The following LRRIQ1 variants were observed in gnomAD, a reference collection of about 807,000 sequenced individuals.
LRRIQ1 encodes the protein leucine-rich repeat- and IQ domain-containing protein 1.
In LRRIQ1, 210 loss-of-function variants were observed where a neutral mutation model predicts 211.9. That is an observed-to-expected ratio of 0.99 (90% CI 0.89 to 1.11). The LOEUF (loss-of-function observed/expected upper bound fraction) is 1.11, where lower values mean the gene tolerates loss of function less well. LRRIQ1 is among the 50% of genes most tolerant of loss of function. LRRIQ1 has a pLI of 0.00. For missense variants in LRRIQ1, 2,136 were observed against 1,939.5 expected (o/e 1.10, Z -1.90); for synonymous variants, 699 against 650.1 (o/e 1.08, Z -1.14).
At chr12:85,074,528 G>A (rs1436178441) in intron 11 of LRRIQ1, among the ~76,000 whole-genome samples, 1 of 151,726 alleles carries the variant, frequency 6.6e-6, no homozygotes, top group Non-Finnish European at 1.5e-5. Flanking sequence ...CAGATAGTAG[G>A]TCTTATTCAT....
At chr12:85,118,684 A>G (rs1887760193) in intron 15 of LRRIQ1, among the ~76,000 whole-genome samples, 1 of 152,066 alleles carries the variant, frequency 6.6e-6, no homozygotes, top group South Asian at 2.1e-4. Flanking sequence ...ACATATACAT[A>G]TGCTAAAATT....
At chr12:85,240,813 A>AAT (rs1895425864) in intron 26 of LRRIQ1, among the ~76,000 whole-genome samples, 1 of 152,082 alleles carries the variant, frequency 6.6e-6, no homozygotes, top group Admixed American at 6.6e-5. Flanking sequence ...GCATCACGTA[A>AAT]TTATAGTAAT....
intron 24 of LRRIQ1, among the ~76,000 whole-genome samples, chr12:85,188,429 AGT>A (rs1174100971): frequency 1.3e-5 from 2 of 152,170 alleles, no homozygotes; most frequent in Non-Finnish European, 2.9e-5. Flanking sequence ...GGCAACTCAG[AGT>A]TGCTGCCAAC....
At chr12:85,105,455 A>G in intron 14 of LRRIQ1, among the ~76,000 whole-genome samples, 1 of 151,956 alleles carries the variant, frequency 6.6e-6, no homozygotes, top group South Asian at 2.1e-4. Context: ...TTTTTTCATA[A>G]TCGAATTACT....
downstream of LRRIQ1, among the ~76,000 whole-genome samples, chr12:85,246,523 G>A (rs533062949): frequency 2.6e-5 from 4 of 151,406 alleles, no homozygotes; most frequent in Non-Finnish European, 5.9e-5. Flanking sequence ...TTACCTGAAT[G>A]TTAGCACATG....
intron 15 of LRRIQ1, among the ~76,000 whole-genome samples, chr12:85,116,556 C>G (rs994868480): frequency 6.6e-6 from 1 of 151,996 alleles, no homozygotes; most frequent in African/African-American, 2.4e-5. Context: ...TTCTTTTTTT[C>G]TGTTACTTTT....
intron 5 of LRRIQ1, among the ~76,000 whole-genome samples, chr12:85,046,970 G>C (rs1879667780): frequency 6.7e-6 from 1 of 149,488 alleles, no homozygotes; most frequent in African/African-American, 2.5e-5. Flanking sequence ...CTTGGACACA[G>C]GAAGGGGAAC....
intron 2 of LRRIQ1, among the ~76,000 whole-genome samples, chr12:85,039,244 G>C (rs890192644): frequency 3.3e-5 from 5 of 151,242 alleles, no homozygotes; most frequent in South Asian, 2.1e-4. Context: ...AAGCCCTTCT[G>C]TTTCAATTAA....
At chr12:85,181,091 C>T (rs1400334362) in intron 24 of LRRIQ1, among the ~76,000 whole-genome samples, 1 of 151,868 alleles carries the variant, frequency 6.6e-6, no homozygotes, top group Non-Finnish European at 1.5e-5. Context: ...ATTAACCTAC[C>T]ACCCCCAGTA....
intron 1 of LRRIQ1, among the ~76,000 whole-genome samples, chr12:85,258,212 A>G (rs1159029422): frequency 6.6e-6 from 1 of 151,864 alleles, no homozygotes. Context: ...TAACACCAGT[A>G]ATAATGCTAG....
intron 11 of LRRIQ1, among the ~76,000 whole-genome samples, chr12:85,080,636 AGTT>A (rs1397631693): frequency 2.7e-5 from 4 of 149,348 alleles, no homozygotes; most frequent in South Asian, 2.1e-4. Flanking sequence ...TGTTGTTTGC[AGTT>A]GTTGTAGTTT....
chr12:85,175,622 G>A (rs989041153), intron 24 of LRRIQ1, among the ~76,000 whole-genome samples: 8 of 151,942 alleles, frequency 5.3e-5, no homozygotes, highest in Middle Eastern at 3.2e-3. Flanking sequence ...TTTCTTCTAG[G>A]GTTTTTATGG....
intron 24 of LRRIQ1, among the ~76,000 whole-genome samples, chr12:85,206,228 G>A (rs916661203): frequency 6.6e-6 from 1 of 152,216 alleles, no homozygotes; most frequent in Non-Finnish European, 1.5e-5. Context: ...GACTACTGGG[G>A]TCCATGTGTG....
chr12:85,069,012 C>T (rs1026031695), intron 10 of LRRIQ1, among the ~76,000 whole-genome samples: 2 of 151,396 alleles, frequency 1.3e-5, no homozygotes, highest in Admixed American at 6.6e-5. Context: ...CATATGTATA[C>T]ATGTGCCATG....
At position 85,098,940 on chromosome 12, in the gene LRRIQ1, C is replaced by T. The variant is rs1438535984; in HGVS notation, c.3155C>T (p.Ala1052Val). Reference protein sequence around the residue: ...LDDNSISTVEAFSSYWLPLLQ... With the variant: ...LDDNSISTVEVFSSYWLPLLQ... ...GATAACAGCATTTCAACTGTGGAAGCATTTTCTTCATACTGGCTGCCTTTA... is the reference window on the plus strand; with the variant it reads ...GATAACAGCATTTCAACTGTGGAAGTATTTTCTTCATACTGGCTGCCTTTA... Residue 1052 changes from alanine to valine, a missense_variant, in exon 13 of 27, where the codon GCA becomes GTA. By Grantham distance (64) the Ala-to-Val change is moderately conservative. Transcript: ENST00000393217. 1.9e-6 allele frequency: 3 copies of T among 1,572,672 alleles called. No individual in the cohort carries two copies. The highest frequency in any genetic ancestry group is 2.4e-5 in the East Asian group (1 of 42,526).
chr12:85,175,167 G>A lies in LRRIQ1; in HGVS notation c.4822+14453G>A, dbSNP rs1389200802. Among the ~76,000 whole-genome samples, 4 of 152,230 alleles carry A rather than the reference G, an allele frequency of 2.6e-5. No homozygotes were observed. In the East Asian group the frequency reaches 7.7e-4, roughly 29 times the overall value. On this transcript the variant is annotated intron_variant, in intron 24 of 26. Transcript: ENST00000393217. ...TTTCCCTTGCAATCTTGCTCAGAAA[G>A]CTACTGAGGGAACTGCTCCACTGAA...
chr12:85,100,530 T>C (rs1886273289), intron 13 of LRRIQ1, among the ~76,000 whole-genome samples: 1 of 151,732 alleles, frequency 6.6e-6, no homozygotes, highest in Non-Finnish European at 1.5e-5. Context: ...AAATGAGTAA[T>C]GTATGTTCTT....
intron 24 of LRRIQ1, among the ~76,000 whole-genome samples, chr12:85,189,785 T>C (rs1390667011): frequency 6.8e-6 from 1 of 146,742 alleles, no homozygotes; most frequent in Non-Finnish European, 1.5e-5. Context: ...TAATAATATA[T>C]ATTATTTATT....
At chr12:85,210,610 G>A (rs1402404207) in intron 24 of LRRIQ1, among the ~76,000 whole-genome samples, 1 of 152,118 alleles carries the variant, frequency 6.6e-6, no homozygotes, top group East Asian at 1.9e-4. Flanking sequence ...TACATCTATA[G>A]TGTTACTATA....
Sources: allele counts gnomAD v4.1 joint callset (sites outside exome capture counted in the v4.1 genomes callset), GRCh38; gene constraint gnomAD v4.1.1; transcripts MANE v1.5; gene names NCBI Gene and HGNC (gene_info 2026-07-23, HGNC 2026-07-21).